Variants in MPDZ observed in about 807,000 individuals in gnomAD.
MPDZ encodes multiple PDZ domain crumbs cell polarity complex component.
A neutral mutation model predicts 239.1 loss-of-function variants in MPDZ; 234 were observed. The ratio of observed to expected loss-of-function variants is 0.98; its 90% confidence interval spans 0.88 to 1.09. The LOEUF (loss-of-function observed/expected upper bound fraction) is 1.09. Ranked by LOEUF, MPDZ falls within the 50% of genes least tolerant of loss-of-function variation. MPDZ has a pLI of 0.00. For missense variants in MPDZ, 3,175 were observed against 2,510.0 expected (o/e 1.26, Z -5.66); for synonymous variants, 1,048 against 881.3 (o/e 1.19, Z -3.35).
chr9:13,217,353 A>T (rs1401360093), intron 8 of MPDZ, 59 bp from the exon 9 acceptor site: 1 of 1,019,504 alleles, frequency 9.8e-7, no homozygotes, highest in Non-Finnish European at 1.4e-6. Flanking sequence ...AAAAAACAAA[A>T]AACAAACAAA....
At chr9:13,107,773 C>A (rs1941733136) in intron 46 of MPDZ, among the ~76,000 whole-genome samples, 1 of 151,944 alleles carries the variant, frequency 6.6e-6, no homozygotes, top group Non-Finnish European at 1.5e-5. Context: ...GAAAAAGAAC[C>A]CCATCTTAAA....
rs912344891 is a variant in MPDZ at position 13,106,869 on chromosome 9, C to T, written c.*96G>A. 24 of 1,390,706 alleles carry T rather than the reference C, an allele frequency of 1.7e-5. No homozygotes were observed. Among genetic ancestry groups the T allele is most frequent in the African/African-American group, 1.6e-4 (11 of 70,958 alleles). The allele number at this position is 1,390,706 out of a possible 1,614,324, so 86.1% of individuals were successfully genotyped here. ...TTTCCCCCCTACAGTTTTGAAGACC[C>T]GGCTGAACACAGCATAAAAATTGTC... On this transcript the variant is annotated 3_prime_UTR_variant, in exon 47 of 47. Coordinates refer to ENST00000319217, the MANE Select transcript of MPDZ (RefSeq NM_001378778.1).
intron 21 of MPDZ, among the ~76,000 whole-genome samples, chr9:13,173,702 CT>C (rs1041765065): frequency 6.8e-5 from 10 of 147,958 alleles, no homozygotes; most frequent in African/African-American, 2.2e-4. Context: ...GAAACTCTCT[CT>C]CAAAAAAAAA....
At chr9:13,261,374 T>C (rs1479133142) in intron 1 of MPDZ, among the ~76,000 whole-genome samples, 1 of 152,168 alleles carries the variant, frequency 6.6e-6, no homozygotes. Context: ...GTATGTTGTA[T>C]GAAGCTCTGT....
chr9:13,252,756 G>A (rs78896433), intron 1 of MPDZ, among the ~76,000 whole-genome samples: 2,257 of 152,126 alleles, frequency 0.015, 54 homozygotes, highest in African/African-American at 0.051. Context: ...GGCTGAGGCA[G>A]GAGAATTGCC....
rs773461232 is a variant in MPDZ at position 13,138,103 on chromosome 9, C to G, written c.4054G>C (p.Glu1352Gln). The G allele has an allele frequency of 1.9e-6, 3 of 1,609,556 alleles. No homozygotes were observed. In the South Asian group the frequency reaches 3.3e-5, roughly 18 times the overall value. ...GTLTGELHMI[E>Q]LEKGHSGLGL... ...AAACCACTATGACCTTTCTCCAGTT[C>G]AATCATATGCAGCTCGCCTGTTAGG... The change falls in exon 29 of 47, where the codon GAA becomes CAA. Residue 1352 changes from glutamate to glutamine, a missense_variant. Coordinates refer to ENST00000319217, the MANE Select transcript of MPDZ (RefSeq NM_001378778.1).
rs368055487 is a variant in MPDZ, at chr9:13,224,437, A to C, written c.330T>G (p.Ile110Met). 7 of 1,612,924 alleles carry C rather than the reference A, an allele frequency of 4.3e-6. No individual in the cohort carries two copies. The East Asian group carries it at 6.7e-5, about 15-fold the overall frequency. ...AAGCAGGTTTCCCATTAATGTGTGG[A>C]ATACCAGGTCCTGTAAGTGCTTCCA... Reference protein sequence around the residue: ...GNLEALTGPGIPHINGKPACD... With the variant: ...GNLEALTGPGMPHINGKPACD... Residue 110 changes from isoleucine (I) to methionine (M), a missense_variant, in exon 4 of 47, where the codon ATT becomes ATG. Physicochemically the swap from Ile to Met is conservative, Grantham distance 10. Coordinates refer to ENST00000319217, the MANE Select transcript of MPDZ (RefSeq NM_001378778.1).
chr9:13,125,320 T>C lies in MPDZ; in HGVS notation c.4703A>G (p.Gln1568Arg). ...LTIHAENPDS[Q>R]AVPSAAGAAS... The stretch of plus-strand genomic sequence containing the variant: ...TGCACCAGCTGCTGAAGGAACAGCC[T>C]GGGAATCTGGATTCTCAGCATGGAT... The change falls in exon 35 of 47, where the codon CAG (glutamine) becomes CGG (arginine). Residue 1568 changes from glutamine (Q) to arginine (R), a missense_variant. Transcript: ENST00000319217. 1 of 1,613,874 alleles carries C rather than the reference T, an allele frequency of 6.2e-7. No individual in the cohort carries two copies. Among genetic ancestry groups the C allele is most frequent in the Non-Finnish European group, 8.5e-7 (1 of 1,179,758 alleles).
intron 22 of MPDZ, among the ~76,000 whole-genome samples, chr9:13,164,328 C>T (rs916847129): frequency 8.5e-5 from 13 of 152,100 alleles, no homozygotes; most frequent in Non-Finnish European, 5.9e-5. Context: ...AGCAAATTTG[C>T]TTTTAGCCCT....
In MPDZ at chr9:13,149,190, A is replaced by G. The variant is rs1017896509; in HGVS notation, c.3630+1321T>C. On this transcript the variant is annotated intron_variant, in intron 25 of 46. Coordinates refer to ENST00000319217, the MANE Select transcript of MPDZ (RefSeq NM_001378778.1). ...CTATCACTCTTCCTTATAAACGGTCATCAAAAAAAAAAGGACATGGTCCCT... is the reference window on the plus strand; with the variant it reads ...CTATCACTCTTCCTTATAAACGGTCGTCAAAAAAAAAAGGACATGGTCCCT... 5.3e-5 allele frequency among the ~76,000 whole-genome samples: 8 copies of G among 152,018 alleles called. No individual in the cohort carries two copies. The East Asian group carries it at 1.6e-3, about 30-fold the overall frequency.
Position 13,122,184 on chromosome 9 carries a change from C to T in MPDZ, c.4954-14G>A. 1.9e-6 allele frequency: 3 copies of T among 1,610,600 alleles called. No individual in the cohort carries two copies. The highest frequency in any genetic ancestry group is 2.5e-6 in the Non-Finnish European group (3 of 1,176,968). ...AATAATGGCACCCTAAGGGCCCAAA[C>T]AAAACATACCCATACTTATCCCATT... On this transcript the variant is annotated splice_polypyrimidine_tract_variant and intron_variant, in intron 36 of 46. Transcript: ENST00000319217.
At chr9:13,186,166 A>G in intron 18 of MPDZ, 104 bp downstream of exon 18, 4 of 529,352 alleles carry the variant, frequency 7.6e-6, no homozygotes, top group Non-Finnish European at 1.2e-5. Flanking sequence ...TTCCAAATAT[A>G]ATAATGAACA....
chr9:13,192,415 A>AT, intron 14 of MPDZ, 120 bp from the exon 15 acceptor site: 2 of 843,342 alleles, frequency 2.4e-6, no homozygotes, highest in South Asian at 2.0e-5. Context: ...TACTGTGCTC[A>AT]GAACTATAGT....
chr9:13,146,185 A>G (rs1307002415), intron 26 of MPDZ, among the ~76,000 whole-genome samples: 1 of 152,088 alleles, frequency 6.6e-6, no homozygotes, highest in Non-Finnish European at 1.5e-5. Flanking sequence ...GCAGATGTTG[A>G]AGTGCTTACA....
chr9:13,244,979 G>A (rs978910047), intron 3 of MPDZ, among the ~76,000 whole-genome samples: 2 of 152,100 alleles, frequency 1.3e-5, no homozygotes, highest in African/African-American at 4.8e-5. Context: ...TAAAAAAGAT[G>A]GAGATAGTAA....
At position 13,168,409 on chromosome 9, in the gene MPDZ, G is replaced by A. The variant is rs376078512; in HGVS notation, c.3211C>T (p.Arg1071Ter). ...AGAGAATGTCTTCTCAACATAGCTC[G>A]TGCCTGGGCATTGGTTACACTGATG... ...STISVTNAQA[R>*]AMLRRHSLIG... Residue 1071 changes from arginine (R) to a stop codon, truncating the protein, a stop_gained, in exon 22 of 47, where the codon CGA becomes TGA. Coordinates refer to ENST00000319217, the MANE Select transcript of MPDZ (RefSeq NM_001378778.1). LOFTEE classifies it high-confidence loss of function. The A allele has an allele frequency of 7.4e-5, 120 of 1,613,314 alleles. No individual in the cohort carries two copies. The highest frequency in any genetic ancestry group is 1.1e-4 in the African/African-American group (8 of 74,852).
At chr9:13,120,967 G>A (rs1944253925) in intron 38 of MPDZ, among the ~76,000 whole-genome samples, 1 of 152,132 alleles carries the variant, frequency 6.6e-6, no homozygotes, top group Admixed American at 6.5e-5. Context: ...AGATCCAGAT[G>A]GGCTTATAAT....
chr9:13,210,021 A>G lies in MPDZ; in HGVS notation c.1291-3922T>C, dbSNP rs16930198. Among the ~76,000 whole-genome samples the G allele has an allele frequency of 8.3e-3, 1,254 of 151,740 alleles. 22 individuals carry two copies. Among genetic ancestry groups the G allele is most frequent in the African/African-American group, 0.029 (1,194 of 41,448 alleles). Reference sequence around the variant, plus strand: ...GATTAGGGAGAAGGGAAACTTACCCAACTCTACAAATCAAAAAGGCACATG... The same window carrying G: ...GATTAGGGAGAAGGGAAACTTACCCGACTCTACAAATCAAAAAGGCACATG... On this transcript the variant is annotated intron_variant, in intron 10 of 46. Transcript: ENST00000319217.
intron 39 of MPDZ, among the ~76,000 whole-genome samples, chr9:13,115,635 T>G (rs117116068): frequency 6.6e-6 from 1 of 152,144 alleles, no homozygotes; most frequent in Non-Finnish European, 1.5e-5. Flanking sequence ...AACACACTAA[T>G]TTTGATAGGA....
Sources: gnomAD v4.1 joint callset for allele counts (sites outside exome capture counted in the v4.1 genomes callset) on GRCh38, gnomAD v4.1.1 for gene constraint, MANE v1.5 for transcripts, NCBI Gene and HGNC (gene_info 2026-07-23, HGNC 2026-07-21) for gene names.